The following SUSD1 variants were observed in gnomAD, a reference collection of about 807,000 sequenced individuals.
SUSD1 encodes sushi domain-containing protein 1.
SUSD1 carries 65 observed loss-of-function variants against 86.9 expected under a neutral mutation model. That is an observed-to-expected ratio of 0.75 (90% CI 0.61 to 0.92). The LOEUF is 0.92. SUSD1 is among the 40% of genes least tolerant of loss of function. SUSD1 has a pLI of 0.00. For synonymous variants in SUSD1, 346 were observed against 350.0 expected (o/e 0.99, Z 0.13); for missense variants, 850 against 929.7 (o/e 0.91, Z 1.11).
intron 12 of SUSD1, among the ~76,000 whole-genome samples, chr9:112,073,511 A>T (rs904570909): frequency 1.5e-5 from 1 of 68,452 alleles, no homozygotes; most frequent in African/African-American, 5.6e-5. Context: ...GCCCCCACCC[A>T]CCCCCATCCT....
At chr9:112,161,108 G>A (rs1833547209) in intron 1 of SUSD1, among the ~76,000 whole-genome samples, 1 of 152,166 alleles carries the variant, frequency 6.6e-6, no homozygotes, top group African/African-American at 2.4e-5. Flanking sequence ...CAGGCACGGT[G>A]GCTCATGCCT....
intron 6 of SUSD1, among the ~76,000 whole-genome samples, chr9:112,114,407 T>C (rs1889612): frequency 6.6e-6 from 1 of 152,084 alleles, no homozygotes; most frequent in African/African-American, 2.4e-5. Flanking sequence ...CACTTGAACC[T>C]GGGAGGCAGA....
intron 10 of SUSD1, among the ~76,000 whole-genome samples, chr9:112,096,803 G>A (rs780700282): frequency 1.3e-5 from 2 of 152,184 alleles, no homozygotes; most frequent in African/African-American, 4.8e-5. Flanking sequence ...GCCTCCCATA[G>A]TGCTGGAATT....
At chr9:112,046,952 C>T (rs976607131) in intron 15 of SUSD1, among the ~76,000 whole-genome samples, 2 of 152,062 alleles carry the variant, frequency 1.3e-5, no homozygotes, top group African/African-American at 4.8e-5. Context: ...TAGCTTTAAC[C>T]CATTTATGAG....
chr9:112,143,394 C>T (rs1832667958), intron 4 of SUSD1, 77 bp downstream of exon 4: 1 of 1,489,452 alleles, frequency 6.7e-7, no homozygotes, highest in Non-Finnish European at 9.2e-7. Flanking sequence ...GCCTCCCCAA[C>T]ACAGGCTTGG....
At chr9:112,143,880 G>A (rs1171080572) in intron 3 of SUSD1, among the ~76,000 whole-genome samples, 2 of 152,220 alleles carry the variant, frequency 1.3e-5, no homozygotes, top group African/African-American at 4.8e-5. Flanking sequence ...TACAAAAGCT[G>A]ATAACCATCA....
At chr9:112,139,066 A>C (rs1439489318) in intron 5 of SUSD1, among the ~76,000 whole-genome samples, 1 of 152,252 alleles carries the variant, frequency 6.6e-6, no homozygotes, top group African/African-American at 2.4e-5. Context: ...ACCAGCAAGT[A>C]TAGGAAGAAT....
At chr9:112,148,621 G>A (rs901048982) in intron 3 of SUSD1, among the ~76,000 whole-genome samples, 12 of 152,026 alleles carry the variant, frequency 7.9e-5, no homozygotes, top group Non-Finnish European at 1.2e-4. Context: ...TTATGAAAAC[G>A]ATCAGGCCAG....
At chr9:112,103,158 T>G (rs1003932264) in intron 8 of SUSD1, 3 of 461,954 alleles carry the variant, frequency 6.5e-6, no homozygotes, top group African/African-American at 6.0e-5. Flanking sequence ...CCCGTGGGAG[T>G]TTCTGCTACC....
Position 112,109,519 on chromosome 9 carries a change from T to C in SUSD1, c.1171+2135A>G, listed in dbSNP as rs151256291. 5.0e-4 allele frequency among the ~76,000 whole-genome samples: 76 copies of C among 152,338 alleles called. 1 individual carries two copies. The highest frequency in any genetic ancestry group is 3.4e-3 in the Middle Eastern group (1 of 294). On this transcript the variant is annotated intron_variant, in intron 8 of 16. Transcript: ENST00000374270. The stretch of plus-strand genomic sequence containing the variant: ...AAATCCTAATTCTCTCTAGATTAAC[T>C]TGCAAATATAATCCAATTCCCTTTA...
At chr9:112,056,218 G>A (rs1443247489) in intron 14 of SUSD1, among the ~76,000 whole-genome samples, 1 of 152,008 alleles carries the variant, frequency 6.6e-6, no homozygotes, top group Non-Finnish European at 1.5e-5. Context: ...AGTGAGCTAT[G>A]ATCGTGCCAC....
intron 12 of SUSD1, among the ~76,000 whole-genome samples, chr9:112,064,595 C>T (rs114550359): frequency 0.016 from 2,475 of 152,170 alleles, 80 homozygotes; most frequent in African/African-American, 0.057. Context: ...TGGCCGGGTG[C>T]GGGGGTGCGG....
At chr9:112,156,476 T>A (rs960199468) in intron 2 of SUSD1, among the ~76,000 whole-genome samples, 6 of 148,838 alleles carry the variant, frequency 4.0e-5, no homozygotes, top group African/African-American at 1.0e-4. Flanking sequence ...AAAAAAAAAA[T>A]ACTCACTGAA....
intron 12 of SUSD1, among the ~76,000 whole-genome samples, chr9:112,064,510 T>G (rs1233294381): frequency 6.6e-6 from 1 of 152,198 alleles, no homozygotes; most frequent in Non-Finnish European, 1.5e-5. Context: ...TGGGGACCAC[T>G]GCATTATAGC....
intron 6 of SUSD1, among the ~76,000 whole-genome samples, chr9:112,114,393 G>A (rs1467997901): frequency 6.6e-6 from 1 of 152,148 alleles, no homozygotes; most frequent in Non-Finnish European, 1.5e-5. Flanking sequence ...TGAGGCAGGA[G>A]AATCACTTGA....
intron 6 of SUSD1, among the ~76,000 whole-genome samples, chr9:112,123,441 G>T (rs1831633520): frequency 6.6e-6 from 1 of 152,026 alleles, no homozygotes; most frequent in Non-Finnish European, 1.5e-5. Flanking sequence ...TTCCCACCAG[G>T]CCCCACCTCC....
chr9:112,099,015 T>TTCTCTC lies in SUSD1; in HGVS notation c.1282-359_1282-354dup, dbSNP rs58040511. ...TCCTCCTTCCCTTCTGAATACTTCG[T>TTCTCTC]TCTCTCTCTCTCTCTCTCTCTCTCT... is the stretch of plus-strand genomic sequence containing the variant. On this transcript the variant is annotated intron_variant, in intron 9 of 16. Coordinates refer to ENST00000374270, the MANE Select transcript of SUSD1 (RefSeq NM_022486.5). Among the ~76,000 whole-genome samples, 980 of 145,960 alleles carry TTCTCTC rather than the reference T, an allele frequency of 6.7e-3. 8 individuals carry two copies. The highest frequency in any genetic ancestry group is 0.015 in the Admixed American group (215 of 14,560).
At chr9:112,141,864 T>C (rs1832589322) in intron 5 of SUSD1, among the ~76,000 whole-genome samples, 1 of 140,990 alleles carries the variant, frequency 7.1e-6, no homozygotes, top group South Asian at 2.2e-4. Context: ...TATGTATATA[T>C]ATACATATAT....
chr9:112,112,387 CA>C (rs1333148953), intron 7 of SUSD1, among the ~76,000 whole-genome samples: 1 of 152,192 alleles, frequency 6.6e-6, no homozygotes, highest in African/African-American at 2.4e-5. Context: ...ATAATCCCAG[CA>C]CTCTGGGAGG....
Sources: gnomAD v4.1 joint callset for allele counts (sites outside exome capture counted in the v4.1 genomes callset) on GRCh38, gnomAD v4.1.1 for gene constraint, MANE v1.5 for transcripts, NCBI Gene and HGNC (gene_info 2026-07-23, HGNC 2026-07-21) for gene names.